Variants in MTSS2 observed in about 807,000 individuals in gnomAD.
MTSS2 encodes the protein protein MTSS 2.
In MTSS2, 27 loss-of-function variants were observed where a neutral mutation model predicts 67.1. That is an observed-to-expected ratio of 0.40 (90% CI 0.30 to 0.55). The LOEUF (loss-of-function observed/expected upper bound fraction) is 0.55. Among genes scored for constraint, MTSS2 ranks in the 20% least tolerant of loss-of-function variants. The pLI, the probability that MTSS2 is intolerant of heterozygous loss-of-function variation, is 0.43. For missense variants in MTSS2, 1,171 were observed against 1,067.8 expected, an observed-to-expected ratio of 1.10 and a Z score of -1.35; for synonymous variants, 624 against 468.6, an observed-to-expected ratio of 1.33 and a Z score of -4.28.
chr16:70,663,827 A>G lies in MTSS2; in HGVS notation c.2094T>C (p.Ala698=). 6.5e-7 allele frequency: 1 copy of G among 1,535,968 alleles called. No homozygotes were observed. Residue 698 remains alanine (A), a synonymous_variant, in exon 15 of 15, where the codon GCT becomes GCC. Coordinates refer to ENST00000338779, the MANE Select transcript of MTSS2 (RefSeq NM_138383.3). ...TCTCCTCCGTGGGGGTGGCCGACAG[A>G]GCAGTGGGGAAGGGGAACTGGCCCT... The part of the protein sequence containing the change: ...LGEGQFPFPT[A]LSATPTEETP...
At chr16:70,685,698 C>T (rs367917448) in intron 1 of MTSS2, 25 bp downstream of exon 1, 7 of 1,283,686 alleles carry the variant, frequency 5.5e-6, no homozygotes, top group African/African-American at 1.6e-5. Context: ...TCGCCGCGCG[C>T]CCGGCCCCGC....
rs370295990 is a variant in MTSS2, at chr16:70,674,645, A to ACAATGT, written c.831-123_831-118dup. ...AGGTGAGGGGCAAAGGAAGGAAAAGACAATGTCAGACTAGGAGGTCCTGAG... is the reference window on the plus strand; with the variant it reads ...AGGTGAGGGGCAAAGGAAGGAAAAGACAATGTCAATGTCAGACTAGGAGGTCCTGAG... On this transcript the variant is annotated intron_variant, in intron 10 of 14. Transcript: ENST00000338779. 6,337 of 857,254 alleles carry ACAATGT rather than the reference A, an allele frequency of 7.4e-3. 48 individuals carry two copies. The highest frequency in any genetic ancestry group is 0.023 in the Middle Eastern group (66 of 2,874). The allele number at this position is 857,254 out of a possible 1,614,324, so 53.1% of individuals were successfully genotyped here. A position where few individuals can be genotyped will look rare whatever the true frequency, so the allele number is the denominator to read the frequency against.
chr16:70,678,959 G>A (rs2053209259), intron 7 of MTSS2, among the ~76,000 whole-genome samples: 1 of 152,224 alleles, frequency 6.6e-6, no homozygotes, highest in Non-Finnish European at 1.5e-5. Context: ...GCAAGAAAGA[G>A]AGAGGCGAGA....
At chr16:70,668,491 C>T (rs1374005418) in intron 11 of MTSS2, among the ~76,000 whole-genome samples, 1 of 151,838 alleles carries the variant, frequency 6.6e-6, no homozygotes, top group Admixed American at 6.6e-5. Flanking sequence ...GAGAAATCAA[C>T]AAGTAGGACA....
At chr16:70,681,575 G>A (rs753321868) in intron 1 of MTSS2, among the ~76,000 whole-genome samples, 10 of 152,236 alleles carry the variant, frequency 6.6e-5, no homozygotes, top group Non-Finnish European at 1.3e-4. Context: ...CAGCAGCAGT[G>A]GCTCCCAGGG....
In MTSS2 at chr16:70,661,248, G is replaced by GCAT. The variant is rs2052453035; in HGVS notation, c.*2426_*2428dup. ...TTATTAATACTGGAATCTTCACAGT[G>GCAT]CATCTGTTACTTGTAGCAGTGACTA... On this transcript the variant is annotated 3_prime_UTR_variant, in exon 15 of 15. Transcript: ENST00000338779. 4.4e-6 allele frequency: 2 copies of GCAT among 455,834 alleles called. No homozygotes were observed. The allele number at this position is 455,834 out of a possible 1,614,324, so 28.2% of individuals were successfully genotyped here.
intron 1 of MTSS2, among the ~76,000 whole-genome samples, chr16:70,683,367 G>A (rs781544308): frequency 2.3e-4 from 35 of 152,228 alleles, no homozygotes; most frequent in Non-Finnish European, 4.3e-4. Context: ...CGCCCAGCAC[G>A]CAGTAAGTGC....
chr16:70,667,220 G>C (rs1351349011), intron 11 of MTSS2, among the ~76,000 whole-genome samples: 1 of 136,698 alleles, frequency 7.3e-6, no homozygotes, highest in Non-Finnish European at 1.5e-5. Flanking sequence ...GCAGTGAGCT[G>C]TGATCACACC....
Position 70,663,291 on chromosome 16 carries a change from G to A in MTSS2, c.*386C>T, listed in dbSNP as rs2052561181. ...GAGGGGGGCCAGCATTCCAGGAGGA[G>A]CTGAGGCAGGACCAGCCCTGGGAGA... is the stretch of plus-strand genomic sequence containing the variant. On this transcript the variant is annotated 3_prime_UTR_variant, in exon 15 of 15. Transcript: ENST00000338779. The A allele has an allele frequency of 4.7e-6, 1 of 213,474 alleles. No individual in the cohort carries two copies. The highest frequency in any genetic ancestry group is 9.3e-6 in the Non-Finnish European group (1 of 107,788). The allele number at this position is 213,474 out of a possible 1,614,324, so 13.2% of individuals were successfully genotyped here.
Position 70,664,026 on chromosome 16 carries a change from T to G in MTSS2, c.1895A>C (p.Lys632Thr), listed in dbSNP as rs1407943913. The G allele has an allele frequency of 6.2e-7, 1 of 1,607,154 alleles. No individual in the cohort carries two copies. The highest frequency in any genetic ancestry group is 1.7e-5 in the Admixed American group (1 of 59,294). The change falls in exon 15 of 15, where the codon AAG becomes ACG. Residue 632 changes from lysine (K) to threonine (T), a missense_variant. This residue lies in a region of MTSS2 where 924 missense variants were observed against 756.0 expected (regional missense o/e 1.22). Coordinates refer to ENST00000338779, the MANE Select transcript of MTSS2 (RefSeq NM_138383.3). ...TASPLAPDLA[K>T]ASPKRLSLPN... Reference sequence around the variant, plus strand: ...CAGGCTGAGCCTCTTTGGGGAGGCCTTGGCGAGGTCCGGTGCCAGGGGTGA... The same window carrying G: ...CAGGCTGAGCCTCTTTGGGGAGGCCGTGGCGAGGTCCGGTGCCAGGGGTGA...
At chr16:70,667,278 CA>C (rs34779308) in intron 11 of MTSS2, among the ~76,000 whole-genome samples, 2,573 of 69,582 alleles carry the variant, frequency 0.037, 27 homozygotes, top group African/African-American at 0.12. Context: ...GACTCTGTCT[CA>C]AAAAAAAAAA....
At chr16:70,674,652 C>T in intron 10 of MTSS2, 124 bp from the exon 11 acceptor site, 1 of 837,266 alleles carries the variant, frequency 1.2e-6, no homozygotes, top group Non-Finnish European at 1.9e-6. Flanking sequence ...AAGACAATGT[C>T]AGACTAGGAG....
chr16:70,661,544 A>T lies in MTSS2; in HGVS notation c.*2133T>A. 1 of 352,280 alleles carries T rather than the reference A, an allele frequency of 2.8e-6. No individual in the cohort carries two copies. The highest frequency in any genetic ancestry group is 5.6e-6 in the Non-Finnish European group (1 of 178,906). 21.8% of individuals were successfully genotyped at this position (352,280 alleles called of 1,614,324 possible). On this transcript the variant is annotated 3_prime_UTR_variant, in exon 15 of 15. Coordinates refer to ENST00000338779, the MANE Select transcript of MTSS2 (RefSeq NM_138383.3). ...ACAAAATGAGAAATTAAACGAACGT[A>T]AAGTCCCCCAAACCAAAGTTTGTGA... is the stretch of plus-strand genomic sequence containing the variant.
rs553120108 is a variant in MTSS2 at position 70,662,507 on chromosome 16, C to G, written c.*1170G>C. On this transcript the variant is annotated 3_prime_UTR_variant, in exon 15 of 15. Transcript: ENST00000338779. ...GCCAATCTTCCCAGACTCGCTCCCC[C>G]ACCTGGGCTTGCAGCCAGCTCAGAC... is the stretch of plus-strand genomic sequence containing the variant. 3.9e-5 allele frequency: 6 copies of G among 152,544 alleles called. No homozygotes were observed. The highest frequency in any genetic ancestry group is 9.6e-5 in the African/African-American group (4 of 41,564). 9.4% of individuals were successfully genotyped at this position (152,544 alleles called of 1,614,324 possible). A position where few individuals can be genotyped will look rare whatever the true frequency, so the allele number is the denominator to read the frequency against.
rs1279373430 is a variant in MTSS2 at position 70,661,531 on chromosome 16, A to AT, written c.*2145dup. ...AATATTTCTCCGTACAAAATGAGAA[A>AT]TTAAACGAACGTAAAGTCCCCCAAA... On this transcript the variant is annotated 3_prime_UTR_variant, in exon 15 of 15. Transcript: ENST00000338779. 2.9e-6 allele frequency: 1 copy of AT among 349,142 alleles called. No individual in the cohort carries two copies. Among genetic ancestry groups the AT allele is most frequent in the Non-Finnish European group, 5.6e-6 (1 of 177,452 alleles). The allele number at this position is 349,142 out of a possible 1,614,324, so 21.6% of individuals were successfully genotyped here. A position where few individuals can be genotyped will look rare whatever the true frequency, so the allele number is the denominator to read the frequency against.
chr16:70,674,353 T>C lies in MTSS2; in HGVS notation c.1006A>G (p.Thr336Ala). ...ATAGGCGAGGGGGGCTTGGAGTAGG[T>C]GGCGTCCTGGGAGACGAAGCCAGAG... ...HDSGFVSQDA[T>A]YSKPPSPMPS... Residue 336 changes from threonine to alanine, a missense_variant, in exon 11 of 15, where the codon ACC (threonine) becomes GCC (alanine). Physicochemically the swap from Thr to Ala is moderately conservative, Grantham distance 58 (BLOSUM62 0). Coordinates refer to ENST00000338779, the MANE Select transcript of MTSS2 (RefSeq NM_138383.3). 1 of 1,614,014 alleles carries C rather than the reference T, an allele frequency of 6.2e-7. No individual in the cohort carries two copies. The highest frequency in any genetic ancestry group is 8.5e-7 in the Non-Finnish European group (1 of 1,179,982).
intron 1 of MTSS2, among the ~76,000 whole-genome samples, chr16:70,682,249 G>A (rs747129858): frequency 1.3e-5 from 2 of 152,200 alleles, no homozygotes; most frequent in African/African-American, 2.4e-5. Context: ...AGCTGTGGGT[G>A]GGCTGTTCCC....
At chr16:70,677,711 T>C in intron 9 of MTSS2, 81 bp downstream of exon 9, 1 of 1,097,752 alleles carries the variant, frequency 9.1e-7, no homozygotes, top group Non-Finnish European at 1.3e-6. Flanking sequence ...CATCCTCTTT[T>C]CCCCTTTACT....
Position 70,677,787 on chromosome 16 carries a change from C to G in MTSS2, c.732+5G>C, listed in dbSNP as rs113028668. ...CCCTGGCCCTTGGCCAGAGGGCTCC[C>G]GCACCTGCTCGCTGGCGGGAGGCAG... On this transcript the variant is annotated splice_donor_5th_base_variant and intron_variant, in intron 9 of 14. Coordinates refer to ENST00000338779, the MANE Select transcript of MTSS2 (RefSeq NM_138383.3). 7.5e-6 allele frequency: 12 copies of G among 1,604,342 alleles called. No individual in the cohort carries two copies. The highest frequency in any genetic ancestry group is 5.3e-5 in the African/African-American group (4 of 75,028).
Sources: allele counts gnomAD v4.1 joint callset (sites outside exome capture counted in the v4.1 genomes callset), GRCh38; gene constraint gnomAD v4.1.1; regional missense constraint gnomAD v4.1.1; transcripts MANE v1.5; gene names NCBI Gene and HGNC (gene_info 2026-07-23, HGNC 2026-07-21).